The following PRKN variants were observed in gnomAD, a reference collection of about 807,000 sequenced individuals.
PRKN encodes E3 ubiquitin-protein ligase parkin.
A neutral mutation model predicts 59.5 loss-of-function variants in PRKN; 56 were observed. That is an observed-to-expected ratio of 0.94 (90% confidence interval 0.76 to 1.18). The LOEUF (loss-of-function observed/expected upper bound fraction) is 1.18. PRKN is among the 50% of genes most tolerant of loss of function. The pLI is 0.00. For missense variants in PRKN, 657 were observed against 596.4 expected, an observed-to-expected ratio of 1.10 and a Z score of -1.06; for synonymous variants, 250 against 222.1, an observed-to-expected ratio of 1.13 and a Z score of -1.12.
chr6:162,037,446 C>T (rs1454170870), intron 5 of PRKN, among the ~76,000 whole-genome samples: 2 of 152,078 alleles, frequency 1.3e-5, no homozygotes, highest in Non-Finnish European at 2.9e-5. Flanking sequence ...TGTGTACACA[C>T]ACACACACGC....
intron 1 of PRKN, among the ~76,000 whole-genome samples, chr6:162,473,503 C>A (rs1791860473): frequency 1.3e-5 from 2 of 152,030 alleles, no homozygotes; most frequent in Admixed American, 1.3e-4. Context: ...AGTAAAGCCA[C>A]CGATGTGGGC....
rs538307502 is a variant in PRKN, at chr6:161,944,207, A to C, written c.734+29095T>G. ...GGACTTTATCTCACCTTCTCTCACC[A>C]TGTTCTGTATTGCCCATAATCTGTT... is the stretch of plus-strand genomic sequence containing the variant. On this transcript the variant is annotated intron_variant, in intron 6 of 11. Transcript: ENST00000366898. Among the ~76,000 whole-genome samples the C allele has an allele frequency of 2.4e-4, 36 of 152,286 alleles. 1 individual carries two copies. In the South Asian group the frequency reaches 7.1e-3, roughly 30 times the overall value.
chr6:161,797,091 A>T (rs1308740102), intron 6 of PRKN, among the ~76,000 whole-genome samples: 2 of 152,254 alleles, frequency 1.3e-5, no homozygotes, highest in Non-Finnish European at 2.9e-5. Context: ...GCTATTTAAC[A>T]TAAGAAATTA....
intron 1 of PRKN, among the ~76,000 whole-genome samples, chr6:162,577,100 A>G (rs1780588605): frequency 6.6e-6 from 1 of 152,184 alleles, no homozygotes; most frequent in Admixed American, 6.5e-5. Context: ...AAATTAAAAG[A>G]TAAGTGAGTA....
intron 2 of PRKN, among the ~76,000 whole-genome samples, chr6:162,270,886 G>A (rs932697757): frequency 6.6e-6 from 1 of 151,808 alleles, no homozygotes; most frequent in South Asian, 2.1e-4. Flanking sequence ...TTACAGCCCA[G>A]GCTGGAGTGC....
chr6:162,260,679 G>C (rs1220012294), intron 3 of PRKN, among the ~76,000 whole-genome samples: 2 of 152,114 alleles, frequency 1.3e-5, no homozygotes, highest in African/African-American at 4.8e-5. Flanking sequence ...TAAGAGAGTA[G>C]AGCCAGATGC....
intron 1 of PRKN, among the ~76,000 whole-genome samples, chr6:162,478,201 A>AT (rs1286232374): frequency 1.3e-5 from 2 of 152,164 alleles, no homozygotes; most frequent in Non-Finnish European, 2.9e-5. Context: ...GTAATTGGAT[A>AT]TTCTCTTTCT....
intron 10 of PRKN, among the ~76,000 whole-genome samples, chr6:161,368,590 C>A (rs953557619): frequency 1.3e-5 from 2 of 151,562 alleles, no homozygotes; most frequent in African/African-American, 4.9e-5. Flanking sequence ...CCACCACCAC[C>A]AGCACCCAGC....
chr6:161,350,186 C>T lies in PRKN; in HGVS notation c.1311G>A (p.Pro437=), dbSNP rs770983577. 7 of 1,613,372 alleles carry T rather than the reference C, an allele frequency of 4.3e-6. No homozygotes were observed. The Admixed American group carries it at 5.0e-5, about 12-fold the overall frequency. Residue 437 remains proline, a synonymous_variant, in exon 12 of 12, where the codon CCG becomes CCA. Coordinates refer to ENST00000366898, the MANE Select transcript of PRKN (RefSeq NM_004562.3). ...KNGGCMHMKC[P]QPQCRLEWCW... is the part of the protein sequence containing the mutation. ...ACCACTCGAGCCTGCACTGGGGCTG[C>T]GGACACTTCATGTGCATGCAGCCTC...
chr6:162,395,052 G>C (rs541104074), intron 2 of PRKN, among the ~76,000 whole-genome samples: 1 of 152,160 alleles, frequency 6.6e-6, no homozygotes, highest in African/African-American at 2.4e-5. Flanking sequence ...CCATTTAAAA[G>C]ATATACTATC....
chr6:162,448,549 A>G (rs377186621), intron 1 of PRKN, among the ~76,000 whole-genome samples: 182 of 152,000 alleles, frequency 1.2e-3, no homozygotes, highest in East Asian at 9.7e-3. Flanking sequence ...TGTTCTCATC[A>G]TCCTTTCTTC....
At chr6:162,237,963 C>T (rs1778812030) in intron 3 of PRKN, among the ~76,000 whole-genome samples, 1 of 152,062 alleles carries the variant, frequency 6.6e-6, no homozygotes, top group South Asian at 2.1e-4. Context: ...GTAGAGAGCA[C>T]GTGGTAGGTT....
chr6:161,609,031 T>A (rs1200712388), intron 7 of PRKN, among the ~76,000 whole-genome samples: 2 of 152,186 alleles, frequency 1.3e-5, no homozygotes, highest in East Asian at 3.9e-4. Flanking sequence ...AGACAGTAGC[T>A]GCTCACTCCT....
chr6:161,894,712 AG>A (rs1351121849), intron 6 of PRKN, among the ~76,000 whole-genome samples: 1 of 152,210 alleles, frequency 6.6e-6, no homozygotes, highest in Non-Finnish European at 1.5e-5. Context: ...ATGCCCTTCC[AG>A]GTGGTCACAG....
rs1168066241 is a variant in PRKN, at chr6:161,757,880, T to C, written c.871+27892A>G. Among the ~76,000 whole-genome samples the C allele has an allele frequency of 1.1e-3, 102 of 96,832 alleles. 6 individuals are homozygous for C. The highest frequency in any genetic ancestry group is 4.6e-3 in the African/African-American group (98 of 21,180). The allele number at this position is 96,832 out of a possible 152,430, so 63.5% of individuals were successfully genotyped here. On this transcript the variant is annotated intron_variant, in intron 7 of 11. Transcript: ENST00000366898. ...CTCTCTCTCTCTCTCTCTGTGTATA[T>C]ATATATACACACACACACACACACA...
intron 4 of PRKN, among the ~76,000 whole-genome samples, chr6:162,107,483 A>T (rs1251952945): frequency 6.6e-6 from 1 of 152,130 alleles, no homozygotes; most frequent in African/African-American, 2.4e-5. Flanking sequence ...TAAATGAATA[A>T]AAAGTTGTAC....
At chr6:162,000,556 T>C (rs914903133) in intron 5 of PRKN, among the ~76,000 whole-genome samples, 1 of 152,050 alleles carries the variant, frequency 6.6e-6, no homozygotes, top group Non-Finnish European at 1.5e-5. Flanking sequence ...GATGGTAGTT[T>C]TTCATTAGAG....
chr6:161,412,097 C>T (rs1787589751), intron 9 of PRKN, among the ~76,000 whole-genome samples: 1 of 151,366 alleles, frequency 6.6e-6, no homozygotes, highest in African/African-American at 2.4e-5. Flanking sequence ...TCACTCATTC[C>T]TCCACTCACT....
At position 162,030,067 on chromosome 6, in the gene PRKN, T is replaced by C. The variant is rs529397040; in HGVS notation, c.618+24024A>G. Among the ~76,000 whole-genome samples the C allele has an allele frequency of 8.5e-5, 13 of 152,296 alleles. No homozygotes were observed. In the South Asian group the frequency reaches 2.5e-3, roughly 29 times the overall value. On this transcript the variant is annotated intron_variant, in intron 5 of 11. Coordinates refer to ENST00000366898, the MANE Select transcript of PRKN (RefSeq NM_004562.3). ...GTTGCCTATGCTGTGCTAAAACACC[T>C]GGCTTCAGGCAATCTTCTCACCTCA...
Sources: allele counts gnomAD v4.1 joint callset (sites outside exome capture counted in the v4.1 genomes callset), GRCh38; gene constraint gnomAD v4.1.1; transcripts MANE v1.5; gene names NCBI Gene and HGNC (gene_info 2026-07-23, HGNC 2026-07-21).